NF1: variants seen among roughly 807,000 people sequenced by gnomAD.
The protein encoded by NF1 is neurofibromin 1.
A neutral mutation model predicts 325.7 loss-of-function variants in NF1; 122 were observed. The ratio of observed to expected loss-of-function variants is 0.37; its 90% CI spans 0.32 to 0.44. The LOEUF (loss-of-function observed/expected upper bound fraction) is 0.44. Among genes scored for constraint, NF1 ranks in the 20% least tolerant of loss-of-function variants. The probability of loss-of-function intolerance (pLI) is 1.00; values close to 1 mark genes in which losing one functional copy is unlikely to be tolerated. For missense variants in NF1, 2,140 were observed against 3,415.4 expected (o/e 0.63, Z 9.31); for synonymous variants, 1,091 against 1,186.0 (o/e 0.92, Z 1.65).
chr17:31,191,991 G>A (rs140057633), intron 8 of NF1, among the ~76,000 whole-genome samples: 1 of 152,186 alleles, frequency 6.6e-6, no homozygotes, highest in Admixed American at 6.5e-5. Flanking sequence ...GGAACTTTTT[G>A]TATATTCAGA....
intron 1 of NF1, among the ~76,000 whole-genome samples, chr17:31,108,638 C>A (rs1297860650): frequency 6.6e-6 from 1 of 152,172 alleles, no homozygotes; most frequent in Non-Finnish European, 1.5e-5. Context: ...AGTCTTATTT[C>A]ATCCGTATTC....
intron 36 of NF1, chr17:31,296,895 C>T (rs1372395795): frequency 6.3e-6 from 1 of 157,898 alleles, no homozygotes; most frequent in Admixed American, 6.0e-5. Flanking sequence ...AAAATCCAGA[C>T]CAACACAGTA....
chr17:31,181,695 G>A lies in NF1; in HGVS notation c.655-15G>A, dbSNP rs754165411. On this transcript the variant is annotated splice_polypyrimidine_tract_variant and intron_variant, in intron 6 of 57. Coordinates refer to ENST00000358273, the MANE Select transcript of NF1 (RefSeq NM_001042492.3). ...CAAAAAATCACTGTAAAGACATGTG[G>A]TTCTTTATTTATAGGCATTTTGGAA... The A allele has an allele frequency of 4.4e-6, 7 of 1,578,808 alleles. No homozygotes were observed. In the African/African-American group the frequency reaches 9.4e-5, roughly 21 times the overall value.
chr17:31,269,512 G>A (rs1231283367), intron 36 of NF1, among the ~76,000 whole-genome samples: 2 of 152,308 alleles, frequency 1.3e-5, no homozygotes, highest in East Asian at 3.9e-4. Context: ...ACAAGTGACA[G>A]AAATGCAATT....
intron 14 of NF1, 24 bp from the exon 15 acceptor site, chr17:31,221,826 C>G (rs2144003207): frequency 1.3e-6 from 2 of 1,548,764 alleles, no homozygotes; most frequent in Non-Finnish European, 1.8e-6. Flanking sequence ...TTCTCTTTGT[C>G]TTTCTCTTTT....
chr17:31,108,920 A>T (rs1913145676), intron 1 of NF1, among the ~76,000 whole-genome samples: 1 of 152,112 alleles, frequency 6.6e-6, no homozygotes, highest in Non-Finnish European at 1.5e-5. Context: ...TTTCACAGGG[A>T]TCTATGAGAA....
At chr17:31,176,839 AG>A (rs1238418614) in intron 5 of NF1, among the ~76,000 whole-genome samples, 1 of 152,046 alleles carries the variant, frequency 6.6e-6, no homozygotes, top group East Asian at 1.9e-4. Context: ...GTTATTTCTG[AG>A]GCCTCTGTTC....
Position 31,375,663 on chromosome 17 carries a change from T to G in NF1, c.*1508T>G, listed in dbSNP as rs999111993. On this transcript the variant is annotated 3_prime_UTR_variant, in exon 58 of 58. Transcript: ENST00000358273. Reference sequence around the variant, plus strand: ...AATAAACCTAGGGGAGAGGGGAGTTTCCTGTAGTGCTGTTTCATTAGAGGA... The same window carrying G: ...AATAAACCTAGGGGAGAGGGGAGTTGCCTGTAGTGCTGTTTCATTAGAGGA... 1 of 232,824 alleles carries G rather than the reference T, an allele frequency of 4.3e-6. No homozygotes were observed. Among genetic ancestry groups the G allele is most frequent in the Non-Finnish European group, 8.5e-6 (1 of 117,640 alleles). The allele number at this position is 232,824 out of a possible 1,614,324, so 14.4% of individuals were successfully genotyped here.
At chr17:31,121,167 A>G (rs1041813953) in intron 1 of NF1, among the ~76,000 whole-genome samples, 1 of 152,176 alleles carries the variant, frequency 6.6e-6, no homozygotes, top group African/African-American at 2.4e-5. Context: ...GTTTTAAACC[A>G]TATTTTAGCA....
At chr17:31,243,416 G>C (rs765080254) in intron 29 of NF1, among the ~76,000 whole-genome samples, 42 of 151,804 alleles carry the variant, frequency 2.8e-4, no homozygotes, top group Admixed American at 4.6e-4. Flanking sequence ...AGTTCTCCGT[G>C]GGTCCAGAGA....
rs1275713821 is a variant in NF1, at chr17:31,356,521, G to T, written c.7677G>T (p.Met2559Ile). The T allele has an allele frequency of 6.2e-7, 1 of 1,613,756 alleles. No individual in the cohort carries two copies. The highest frequency in any genetic ancestry group is 2.2e-5 in the East Asian group (1 of 44,804). Residue 2559 changes from methionine to isoleucine, a missense_variant, in exon 52 of 58, where the codon ATG becomes ATT. Coordinates refer to ENST00000358273, the MANE Select transcript of NF1 (RefSeq NM_001042492.3). ...CAAAGGCTCCTAAAAGGCAAGAAAT[G>T]GAATCAGGGATCACAACACCCCCCA... Reference protein sequence around the residue: ...SDTKAPKRQEMESGITTPPKM... With the variant: ...SDTKAPKRQEIESGITTPPKM...
At chr17:31,340,439 A>T (rs2151561155) in intron 46 of NF1, 66 bp from the exon 47 acceptor site, 1 of 1,597,106 alleles carries the variant, frequency 6.3e-7, no homozygotes, top group Non-Finnish European at 8.6e-7. Context: ...TTTTAACTGC[A>T]GTGTGTTTTG....
intron 36 of NF1, chr17:31,321,037 A>G (rs908162451): frequency 6.6e-6 from 1 of 152,214 alleles, no homozygotes; most frequent in Non-Finnish European, 1.5e-5. Context: ...CTGTATGACA[A>G]AATGAGACTT....
At chr17:31,243,860 T>C (rs1266378129) in intron 29 of NF1, among the ~76,000 whole-genome samples, 1 of 151,564 alleles carries the variant, frequency 6.6e-6, no homozygotes, top group Non-Finnish European at 1.5e-5. Context: ...TATTCTTACC[T>C]CTTCTTTCCT....
At chr17:31,302,399 T>A (rs1214129854) in intron 36 of NF1, among the ~76,000 whole-genome samples, 4 of 151,992 alleles carry the variant, frequency 2.6e-5, no homozygotes, top group African/African-American at 4.8e-5. Flanking sequence ...AAATGTAAAA[T>A]GAGAACAGTT....
intron 36 of NF1, among the ~76,000 whole-genome samples, chr17:31,294,281 T>C (rs1004358292): frequency 2.0e-5 from 3 of 152,212 alleles, no homozygotes; most frequent in African/African-American, 7.2e-5. Flanking sequence ...TTTTTCATTA[T>C]GTTTTTAACA....
At chr17:31,294,877 A>G (rs1013458051) in intron 36 of NF1, 1 of 1,170,624 alleles carries the variant, frequency 8.5e-7, no homozygotes, top group Non-Finnish European at 1.3e-6. Flanking sequence ...CATTTACATC[A>G]GAGTTAGAAA....
At chr17:31,294,479 A>G (rs2068418823) in intron 36 of NF1, 1 of 166,312 alleles carries the variant, frequency 6.0e-6, no homozygotes, top group African/African-American at 2.4e-5. Context: ...ATGTTGTAGC[A>G]TAACCATTCA....
intron 1 of NF1, among the ~76,000 whole-genome samples, chr17:31,105,101 T>A (rs1470234905): frequency 6.6e-6 from 1 of 152,186 alleles, no homozygotes; most frequent in Admixed American, 6.5e-5. Flanking sequence ...TGTCTTGTTA[T>A]GTTGCCCAGG....
Sources: allele counts gnomAD v4.1 joint callset (sites outside exome capture counted in the v4.1 genomes callset), GRCh38; gene constraint gnomAD v4.1.1; transcripts MANE v1.5; gene names NCBI Gene and HGNC (gene_info 2026-07-23, HGNC 2026-07-21).